The following CEP112 variants were observed in gnomAD, a reference collection of about 807,000 sequenced individuals.
CEP112 encodes the protein centrosomal protein of 112 kDa.
CEP112 carries 127 observed loss-of-function variants against 153.0 expected under a neutral mutation model. The observed-to-expected ratio is 0.83, with a 90% CI of 0.72 to 0.96. The LOEUF is 0.96. CEP112 is among the 40% of genes least tolerant of loss of function. The pLI, the probability that CEP112 is intolerant of heterozygous loss-of-function variation, is 0.00. For missense variants in CEP112, 1,089 were observed against 1,101.2 expected, an observed-to-expected ratio of 0.99 and a Z score of 0.16; for synonymous variants, 358 against 374.4, an observed-to-expected ratio of 0.96 and a Z score of 0.51.
At chr17:66,003,037 C>G (rs1033401471) in intron 17 of CEP112, among the ~76,000 whole-genome samples, 10 of 152,170 alleles carry the variant, frequency 6.6e-5, no homozygotes, top group African/African-American at 2.4e-4. Context: ...TTTGGGAAAA[C>G]AGCCAACTTG....
chr17:66,081,573 A>C (rs1490169442), intron 8 of CEP112, among the ~76,000 whole-genome samples: 1 of 151,742 alleles, frequency 6.6e-6, no homozygotes, highest in East Asian at 1.9e-4. Flanking sequence ...TCTTTATCCT[A>C]GAGTTATTTA....
intron 16 of CEP112, among the ~76,000 whole-genome samples, chr17:66,023,201 C>T (rs145883249): frequency 3.7e-4 from 56 of 152,158 alleles, no homozygotes; most frequent in African/African-American, 1.2e-3. Flanking sequence ...CATCCACATA[C>T]AAGAAGTGCA....
intron 16 of CEP112, among the ~76,000 whole-genome samples, chr17:66,018,210 G>C (rs1240050715): frequency 6.6e-6 from 1 of 152,130 alleles, no homozygotes; most frequent in Non-Finnish European, 1.5e-5. Context: ...AAACCAGATA[G>C]TCAAGGATAC....
At chr17:65,717,462 C>T (rs984085441) in intron 23 of CEP112, among the ~76,000 whole-genome samples, 4 of 152,158 alleles carry the variant, frequency 2.6e-5, no homozygotes, top group African/African-American at 9.7e-5. Context: ...TTCAGAACTG[C>T]CATATTATGA....
At chr17:65,882,677 A>G (rs1490379052) in intron 20 of CEP112, among the ~76,000 whole-genome samples, 4 of 152,214 alleles carry the variant, frequency 2.6e-5, no homozygotes, top group African/African-American at 9.6e-5. Context: ...GAAGACACAA[A>G]CATGCACAGG....
intron 24 of CEP112, among the ~76,000 whole-genome samples, chr17:65,677,707 G>A (rs2047304189): frequency 6.6e-6 from 1 of 152,156 alleles, no homozygotes; most frequent in Non-Finnish European, 1.5e-5. Context: ...GAGGTCAGGA[G>A]TTCGAGACCA....
At chr17:66,187,979 T>C (rs2073000444) in intron 1 of CEP112, among the ~76,000 whole-genome samples, 1 of 152,048 alleles carries the variant, frequency 6.6e-6, no homozygotes, top group African/African-American at 2.4e-5. Flanking sequence ...CATCAATAAA[T>C]GCTGAGAAAT....
intron 20 of CEP112, among the ~76,000 whole-genome samples, chr17:65,893,547 A>T (rs2059553161): frequency 6.6e-6 from 1 of 152,142 alleles, no homozygotes; most frequent in East Asian, 1.9e-4. Context: ...GAATTTTAAT[A>T]TTTGTTTCAA....
chr17:65,938,414 TAAA>T (rs1555722412), intron 18 of CEP112, among the ~76,000 whole-genome samples: 1 of 52,898 alleles, frequency 1.9e-5, no homozygotes, highest in African/African-American at 7.4e-5. Flanking sequence ...GAATGATCAA[TAAA>T]AAAAAAAAAA....
chr17:65,933,673 T>C, intron 18 of CEP112, among the ~76,000 whole-genome samples: 1 of 152,238 alleles, frequency 6.6e-6, no homozygotes, highest in Non-Finnish European at 1.5e-5. Flanking sequence ...ACCATGAGTC[T>C]TGCCTTACAG....
At position 65,828,764 on chromosome 17, in the gene CEP112, G is replaced by C. The variant is rs75772673; in HGVS notation, c.2394+23040C>G. 5.6e-3 allele frequency among the ~76,000 whole-genome samples: 851 copies of C among 151,712 alleles called. 3 individuals carry two copies. The highest frequency in any genetic ancestry group is 7.8e-3 in the Admixed American group (119 of 15,222). Reference sequence around the variant, plus strand: ...ATATCAAACCATCTTTGCACTCCTGGAATAAAATCCATGTGATTATGATGT... The same window carrying C: ...ATATCAAACCATCTTTGCACTCCTGCAATAAAATCCATGTGATTATGATGT... On this transcript the variant is annotated intron_variant, in intron 21 of 26. Coordinates refer to ENST00000535342, the MANE Select transcript of CEP112 (RefSeq NM_001199165.4).
At chr17:65,937,640 C>T (rs1385560573) in intron 18 of CEP112, among the ~76,000 whole-genome samples, 1 of 97,834 alleles carries the variant, frequency 1.0e-5, no homozygotes, top group Non-Finnish European at 2.1e-5. Context: ...CCCCGCCCGG[C>T]CAGCCGCCCT....
At chr17:65,875,486 T>C (rs1042302766) in intron 20 of CEP112, among the ~76,000 whole-genome samples, 20 of 152,156 alleles carry the variant, frequency 1.3e-4, no homozygotes, top group Non-Finnish European at 2.5e-4. Context: ...GTGACCTTAA[T>C]ACCTTTACGT....
intron 6 of CEP112, among the ~76,000 whole-genome samples, chr17:66,112,853 G>A (rs1412156584): frequency 6.6e-6 from 1 of 152,174 alleles, no homozygotes; most frequent in African/African-American, 2.4e-5. Flanking sequence ...GGCTGAGGCA[G>A]GAGAATCGCT....
intron 24 of CEP112, among the ~76,000 whole-genome samples, chr17:65,653,876 TG>T (rs1448561329): frequency 6.6e-6 from 1 of 151,674 alleles, no homozygotes; most frequent in Admixed American, 6.6e-5. Flanking sequence ...CTGGCCAACA[TG>T]GTGAAAACCC....
At chr17:66,124,613 G>C (rs1057079993) in intron 6 of CEP112, among the ~76,000 whole-genome samples, 4 of 151,784 alleles carry the variant, frequency 2.6e-5, no homozygotes, top group Non-Finnish European at 5.9e-5. Flanking sequence ...CCACTTCTCT[G>C]GCCAAAAAGA....
intron 2 of CEP112, among the ~76,000 whole-genome samples, chr17:66,181,142 C>G (rs749837979): frequency 6.6e-6 from 1 of 152,028 alleles, no homozygotes; most frequent in African/African-American, 2.4e-5. Flanking sequence ...AAGCATTCCT[C>G]TATGTAAAAT....
At chr17:65,981,071 C>T (rs1042668225) in intron 17 of CEP112, among the ~76,000 whole-genome samples, 1 of 152,210 alleles carries the variant, frequency 6.6e-6, no homozygotes, top group Non-Finnish European at 1.5e-5. Flanking sequence ...CCGTCTCAGC[C>T]TCCCAAAGTG....
At chr17:65,948,208 G>A (rs1458438835) in intron 18 of CEP112, among the ~76,000 whole-genome samples, 6 of 152,110 alleles carry the variant, frequency 3.9e-5, no homozygotes, top group Non-Finnish European at 7.4e-5. Flanking sequence ...CAACACCAGC[G>A]CTTTTCAGAA....
Sources: gnomAD v4.1 joint callset for allele counts (sites outside exome capture counted in the v4.1 genomes callset) on GRCh38, gnomAD v4.1.1 for gene constraint, MANE v1.5 for transcripts, NCBI Gene and HGNC (gene_info 2026-07-23, HGNC 2026-07-21) for gene names.